Variants in DENND10 observed in about 807,000 individuals in gnomAD.
DENND10 encodes DENN domain-containing protein 10.
A neutral mutation model predicts 43.6 loss-of-function variants in DENND10; 24 were observed. The ratio of observed to expected loss-of-function variants is 0.55; its 90% confidence interval spans 0.40 to 0.77. DENND10 has a LOEUF of 0.77. DENND10 is among the 30% of genes least tolerant of loss of function. DENND10 has a pLI of 0.00. For missense variants in DENND10, 303 were observed against 429.9 expected (o/e 0.70, Z 2.61); for synonymous variants, 125 against 157.6 (o/e 0.79, Z 1.55).
rs763103795 is a variant in DENND10, at chr10:119,136,661, C to G, written c.*14C>G. 15 of 1,330,922 alleles carry G rather than the reference C, an allele frequency of 1.1e-5. No homozygotes were observed. The highest frequency in any genetic ancestry group is 1.5e-5 in the Non-Finnish European group (15 of 972,976). 82.4% of individuals were successfully genotyped at this position (1,330,922 alleles called of 1,614,324 possible). ...CTGAAAATCTGACTGTGTGACAGAA[C>G]GTATCACTGATGACTGATAGAAAGC... On this transcript the variant is annotated 3_prime_UTR_variant, in exon 9 of 9. Coordinates refer to ENST00000361432, the MANE Select transcript of DENND10 (RefSeq NM_207009.4).
intron 4 of DENND10, among the ~76,000 whole-genome samples, chr10:119,118,649 G>A (rs1463591911): frequency 6.6e-6 from 1 of 151,990 alleles, no homozygotes; most frequent in African/African-American, 2.4e-5. Flanking sequence ...AATTATACTG[G>A]GGGACATGGG....
intron 3 of DENND10, among the ~76,000 whole-genome samples, chr10:119,115,143 G>A (rs1039567240): frequency 6.6e-6 from 1 of 152,062 alleles, no homozygotes; most frequent in Admixed American, 6.6e-5. Flanking sequence ...AAACACAGGA[G>A]AATATGCAGT....
intron 3 of DENND10, among the ~76,000 whole-genome samples, chr10:119,116,974 C>G (rs1483839733): frequency 6.6e-6 from 1 of 152,008 alleles, no homozygotes; most frequent in Non-Finnish European, 1.5e-5. Context: ...GCCACTGCGC[C>G]CGGCTGCTTT....
Position 119,120,434 on chromosome 10 carries a change from C to T in DENND10, c.575C>T (p.Ala192Val), listed in dbSNP as rs1342102971. The T allele has an allele frequency of 1.4e-5, 22 of 1,607,268 alleles. No homozygotes were observed. The highest frequency in any genetic ancestry group is 1.6e-5 in the Non-Finnish European group (19 of 1,173,978). Residue 192 changes from alanine (A) to valine (V), a missense_variant, in exon 5 of 9, where the codon GCG becomes GTG. Coordinates refer to ENST00000361432, the MANE Select transcript of DENND10 (RefSeq NM_207009.4). ...GTGGTGTATCACCCCAAGATAGAAG[C>T]GGTCCAGGAGTTCACCAGGTATCAC... is the stretch of plus-strand genomic sequence containing the variant. Reference protein sequence around the residue: ...RIVVYHPKIEAVQEFTRTLPA... With the variant: ...RIVVYHPKIEVVQEFTRTLPA...
At chr10:119,125,888 T>A (rs985828612) in intron 6 of DENND10, among the ~76,000 whole-genome samples, 6 of 152,138 alleles carry the variant, frequency 3.9e-5, no homozygotes, top group Admixed American at 6.6e-5. Flanking sequence ...TATCAAATAC[T>A]AGGTCTTATT....
At chr10:119,112,414 CTT>C (rs568810178) in intron 3 of DENND10, among the ~76,000 whole-genome samples, 2 of 151,562 alleles carry the variant, frequency 1.3e-5, no homozygotes, top group East Asian at 1.9e-4. Flanking sequence ...CAGCTAGACT[CTT>C]TTAGTTTCAT....
Position 119,108,104 on chromosome 10 carries a change from C to T in DENND10, c.192C>T (p.Tyr64=). Residue 64 remains tyrosine (Y), a synonymous_variant, in exon 2 of 9, where the codon TAC becomes TAT. Coordinates refer to ENST00000361432, the MANE Select transcript of DENND10 (RefSeq NM_207009.4). ...TCCATCCCTTTGTCTTTGGTCAGTA[C>T]AGAAGAACATGGTTTTATATCACAA... The part of the protein sequence containing the change: ...KLLHPFVFGQ[Y]RRTWFYITTI... 6.2e-7 allele frequency: 1 copy of T among 1,613,832 alleles called. No homozygotes were observed. Among genetic ancestry groups the T allele is most frequent in the South Asian group, 1.1e-5 (1 of 91,084 alleles).
intron 6 of DENND10, 75 bp from the exon 7 acceptor site, chr10:119,129,440 T>C: frequency 1.1e-6 from 1 of 951,630 alleles, no homozygotes; most frequent in Non-Finnish European, 1.7e-6. Flanking sequence ...TCGATGAGCT[T>C]TTAGACCCAA....
intron 7 of DENND10, 46 bp downstream of exon 7, chr10:119,129,668 T>G (rs749377300): frequency 7.3e-7 from 1 of 1,371,636 alleles, no homozygotes; most frequent in African/African-American, 1.4e-5. Context: ...AGCCAAACAG[T>G]TGTACATTTT....
Position 119,119,869 on chromosome 10 carries a change from G to A in DENND10, c.482-472G>A, listed in dbSNP as rs184410226. Among the ~76,000 whole-genome samples the A allele has an allele frequency of 1.5e-3, 226 of 152,128 alleles. 2 individuals carry two copies. The highest frequency in any genetic ancestry group is 5.3e-3 in the African/African-American group (220 of 41,516). ...TTGCGGGGCAGAGCACACGTCCTGG[G>A]AAGCTGACATAGGATAGATCTACTC... On this transcript the variant is annotated intron_variant, in intron 4 of 8. Coordinates refer to ENST00000361432, the MANE Select transcript of DENND10 (RefSeq NM_207009.4).
rs117229856 is a variant in DENND10, at chr10:119,110,094, C to T, written c.253-1755C>T. 1.1e-3 allele frequency among the ~76,000 whole-genome samples: 164 copies of T among 152,046 alleles called. 3 individuals carry two copies. In the East Asian group the frequency reaches 0.027, roughly 25 times the overall value. On this transcript the variant is annotated intron_variant, in intron 2 of 8. Coordinates refer to ENST00000361432, the MANE Select transcript of DENND10 (RefSeq NM_207009.4). ...CCTAAAGTTCTGGGATTAACAGGCG[C>T]GAGCCACCGCACCTGGCCAAAAAGA... is the stretch of plus-strand genomic sequence containing the variant.
chr10:119,128,305 T>C (rs1845919983), intron 6 of DENND10, among the ~76,000 whole-genome samples: 1 of 151,414 alleles, frequency 6.6e-6, no homozygotes, highest in Non-Finnish European at 1.5e-5. Flanking sequence ...AGAGCAAGAC[T>C]CTGTCTCAAA....
chr10:119,121,091 G>A (rs191130335), intron 5 of DENND10, among the ~76,000 whole-genome samples: 3 of 151,702 alleles, frequency 2.0e-5, no homozygotes, highest in Admixed American at 6.6e-5. Flanking sequence ...CTGGAATTAC[G>A]GGTGTGAGCC....
Position 119,111,926 on chromosome 10 carries a change from T to TA in DENND10, c.331dup (p.Arg111LysfsTer11). ...ATGCTGCCTTCACTAGGATATTGTG[T>TA]AGGTCTGTATAAAAATTGTATTAAA... On this transcript the variant is annotated frameshift_variant and splice_region_variant, in exon 3 of 9. Coordinates refer to ENST00000361432, the MANE Select transcript of DENND10 (RefSeq NM_207009.4). LOFTEE classifies it high-confidence loss of function. 6.2e-7 allele frequency: 1 copy of TA among 1,600,932 alleles called. No homozygotes were observed. The highest frequency in any genetic ancestry group is 1.1e-5 in the South Asian group (1 of 90,792).
In DENND10 at chr10:119,136,564, G is replaced by T; in HGVS notation, c.991G>T (p.Ala331Ser). ...DGEKRVLNLE[A>S]LKQKRFPPAT... ...AGAAAAGAGAGTCCTTAATTTGGAGGCGCTAAAGCAAAAACGATTTCCACC... is the reference window on the plus strand; with the variant it reads ...AGAAAAGAGAGTCCTTAATTTGGAGTCGCTAAAGCAAAAACGATTTCCACC... The change falls in exon 9 of 9, where the codon GCG becomes TCG. Residue 331 changes from alanine to serine, a missense_variant. Coordinates refer to ENST00000361432, the MANE Select transcript of DENND10 (RefSeq NM_207009.4). 1 of 1,583,978 alleles carries T rather than the reference G, an allele frequency of 6.3e-7. No individual in the cohort carries two copies. Among genetic ancestry groups the T allele is most frequent in the Non-Finnish European group, 8.6e-7 (1 of 1,169,304 alleles).
intron 8 of DENND10, among the ~76,000 whole-genome samples, chr10:119,135,815 A>AAAAAAAAAAAAAAAAAAAAAAAAC (rs1564804559): frequency 7.3e-6 from 1 of 137,926 alleles, no homozygotes; most frequent in Non-Finnish European, 1.6e-5. Context: ...AAAAAAAAAA[A>AAAAAAAAAAAAAAAAAAAAAAAAC]ACCAAAACCA....
rs976592336 is a variant in DENND10, at chr10:119,131,592, ACTTAT to A, written c.803-919_803-915del. On this transcript the variant is annotated intron_variant, in intron 7 of 8. Transcript: ENST00000361432. ...TACTGATTAACAGCTTTGTTTTGTC[ACTTAT>A]CTTTCTCCTAAAAGTGGGGGCAGCT... Among the ~76,000 whole-genome samples the A allele has an allele frequency of 5.3e-5, 8 of 152,324 alleles. No individual in the cohort carries two copies. In the East Asian group the frequency reaches 1.5e-3, roughly 29 times the overall value.
chr10:119,125,135 C>T (rs1397347917), intron 6 of DENND10, among the ~76,000 whole-genome samples: 1 of 151,894 alleles, frequency 6.6e-6, no homozygotes, highest in African/African-American at 2.4e-5. Context: ...CCATGCCCAG[C>T]TAATTTTTGT....
intron 8 of DENND10, among the ~76,000 whole-genome samples, chr10:119,135,791 T>TA (rs367836571): frequency 0.05 from 3,202 of 63,962 alleles, 203 homozygotes; most frequent in African/African-American, 0.15. Context: ...ACTAAAATTG[T>TA]AAAAAAAAAA....
Sources: gnomAD v4.1 joint callset for allele counts (sites outside exome capture counted in the v4.1 genomes callset) on GRCh38, gnomAD v4.1.1 for gene constraint, MANE v1.5 for transcripts, NCBI Gene and HGNC (gene_info 2026-07-23, HGNC 2026-07-21) for gene names.